The following ABCA12 variants were observed in gnomAD, a reference collection of about 807,000 sequenced individuals.
The protein encoded by ABCA12 is ATP binding cassette subfamily A member 12.
A neutral mutation model predicts 293.5 loss-of-function variants in ABCA12; 156 were observed. The ratio of observed to expected loss-of-function variants is 0.53; its 90% CI spans 0.47 to 0.61. The LOEUF (loss-of-function observed/expected upper bound fraction) is 0.61. Ranked by LOEUF, ABCA12 falls within the 20% of genes least tolerant of loss-of-function variation. The pLI, the probability that ABCA12 is intolerant of heterozygous loss-of-function variation, is 0.00. For missense variants in ABCA12, 2,797 were observed against 3,090.2 expected (o/e 0.91, Z 2.25); for synonymous variants, 1,063 against 1,108.0 (o/e 0.96, Z 0.81).
Position 214,982,231 on chromosome 2 carries a change from C to T in ABCA12, c.4535G>A (p.Cys1512Tyr). ...LDEPSTGVDP[C>Y]SRRSIWDVIS... ...AACATCCCATATACTTCGGCGAGAACATGGGTCAACTCCAGTAGATGGTTC... is the reference window on the plus strand; with the variant it reads ...AACATCCCATATACTTCGGCGAGAATATGGGTCAACTCCAGTAGATGGTTC... The change falls in exon 30 of 53, where the codon TGT becomes TAT. Residue 1512 changes from cysteine to tyrosine, a missense_variant. Physicochemically the swap from Cys to Tyr is radical, Grantham distance 194. Coordinates refer to ENST00000272895, the MANE Select transcript of ABCA12 (RefSeq NM_173076.3). The T allele has an allele frequency of 6.2e-7, 1 of 1,614,020 alleles. No homozygotes were observed. Among genetic ancestry groups the T allele is most frequent in the South Asian group, 1.1e-5 (1 of 91,082 alleles).
intron 45 of ABCA12, among the ~76,000 whole-genome samples, chr2:214,949,579 A>C (rs1236560402): frequency 6.6e-6 from 1 of 152,130 alleles, no homozygotes. Context: ...CGTACTGTCA[A>C]ATTTGATGCG....
intron 30 of ABCA12, among the ~76,000 whole-genome samples, chr2:214,981,233 G>A (rs1352421649): frequency 2.6e-5 from 4 of 151,988 alleles, no homozygotes; most frequent in Non-Finnish European, 5.9e-5. Context: ...TTTGTCATGT[G>A]GGCATTGGCA....
chr2:215,007,805 T>C lies in ABCA12; in HGVS notation c.2514A>G (p.Lys838=). 6.2e-7 allele frequency: 1 copy of C among 1,614,068 alleles called. No homozygotes were observed. Among genetic ancestry groups the C allele is most frequent in the East Asian group, 2.2e-5 (1 of 44,846 alleles). Residue 838 remains lysine, a synonymous_variant, in exon 19 of 53, where the codon AAA becomes AAG. Coordinates refer to ENST00000272895, the MANE Select transcript of ABCA12 (RefSeq NM_173076.3). ...TLRQLAELRE[K]SQEWMDKSPL... is the part of the protein sequence containing the mutation. Reference sequence around the variant, plus strand: ...GCGACTTATCCATCCACTCTTGAGATTTTTCTCTTAATTCCGCCAGCTGTC... The same window carrying C: ...GCGACTTATCCATCCACTCTTGAGACTTTTCTCTTAATTCCGCCAGCTGTC...
intron 46 of ABCA12, 126 bp downstream of exon 46, chr2:214,948,914 T>C (rs1698664926): frequency 1.8e-6 from 2 of 1,139,082 alleles, no homozygotes; most frequent in Admixed American, 3.8e-5. Context: ...CCACCCACCT[T>C]AATAGCTTTG....
intron 2 of ABCA12, among the ~76,000 whole-genome samples, chr2:215,077,853 A>G (rs1701862807): frequency 6.6e-6 from 1 of 152,156 alleles, no homozygotes; most frequent in Non-Finnish European, 1.5e-5. Context: ...CCTTTTATCT[A>G]TTATTAAATT....
chr2:214,983,923 G>A, intron 28 of ABCA12, 58 bp from the exon 29 acceptor site: 2 of 1,457,152 alleles, frequency 1.4e-6, no homozygotes, highest in East Asian at 4.6e-5. Flanking sequence ...TAGATATTAG[G>A]AATAACTATA....
At chr2:215,091,933 C>T (rs1438036141) in intron 2 of ABCA12, among the ~76,000 whole-genome samples, 2 of 152,214 alleles carry the variant, frequency 1.3e-5, no homozygotes, top group Non-Finnish European at 2.9e-5. Context: ...AGCTGTGTCC[C>T]GTCTGTGAGG....
intron 2 of ABCA12, among the ~76,000 whole-genome samples, chr2:215,088,688 C>G (rs1458605428): frequency 6.6e-6 from 1 of 151,998 alleles, no homozygotes; most frequent in Non-Finnish European, 1.5e-5. Flanking sequence ...TCAGCTTAAA[C>G]TAGAATTTTA....
At chr2:215,032,351 C>T (rs1387654365) in intron 8 of ABCA12, 1 of 195,412 alleles carries the variant, frequency 5.1e-6, no homozygotes, top group Non-Finnish European at 1.1e-5. Flanking sequence ...CATCACTAAT[C>T]TATATTTTCT....
chr2:215,002,919 C>G (rs1240790196), intron 20 of ABCA12, among the ~76,000 whole-genome samples: 6 of 152,154 alleles, frequency 3.9e-5, no homozygotes, highest in Non-Finnish European at 5.9e-5. Context: ...CTTCCTAGTT[C>G]AGAAGTTAGA....
At chr2:215,106,506 G>T (rs979795799) in intron 2 of ABCA12, among the ~76,000 whole-genome samples, 17 of 152,162 alleles carry the variant, frequency 1.1e-4, no homozygotes, top group Non-Finnish European at 2.2e-4. Context: ...AAAAATCCAG[G>T]CTCCAGCACA....
At chr2:215,087,828 A>G (rs750543387) in intron 2 of ABCA12, among the ~76,000 whole-genome samples, 1 of 152,224 alleles carries the variant, frequency 6.6e-6, no homozygotes, top group Non-Finnish European at 1.5e-5. Flanking sequence ...AGGAGCCTGA[A>G]GTACCATAAA....
intron 2 of ABCA12, among the ~76,000 whole-genome samples, chr2:215,084,316 A>G (rs1250814360): frequency 1.4e-5 from 2 of 146,882 alleles, no homozygotes; most frequent in Non-Finnish European, 3.0e-5. Flanking sequence ...TCACAGTTTC[A>G]GCTTACAGAC....
rs748933349 is a variant in ABCA12, at chr2:214,953,855, T to C, written c.6646A>G (p.Arg2216Gly). 6.2e-7 allele frequency: 1 copy of C among 1,613,646 alleles called. No homozygotes were observed. Among genetic ancestry groups the C allele is most frequent in the South Asian group, 1.1e-5 (1 of 91,040 alleles). Residue 2216 changes from arginine to glycine, a missense_variant and splice_region_variant, in exon 44 of 53, where the codon AGG becomes GGG. Coordinates refer to ENST00000272895, the MANE Select transcript of ABCA12 (RefSeq NM_173076.3). The part of the protein sequence containing the change: ...LINESLIKKL[R>G]LFFRKFNSSH... ...ACGTTATGTTTTCATTATATTTACC[T>C]GAGTTTCTTTATCAGGGATTCGTTG...
chr2:215,072,851 C>G (rs1701763213), intron 2 of ABCA12, among the ~76,000 whole-genome samples: 2 of 152,224 alleles, frequency 1.3e-5, no homozygotes, highest in Admixed American at 6.5e-5. Flanking sequence ...AATCCCAGCA[C>G]TTTGGGAGAC....
At chr2:215,104,679 G>A (rs995010808) in intron 2 of ABCA12, among the ~76,000 whole-genome samples, 1 of 152,216 alleles carries the variant, frequency 6.6e-6, no homozygotes, top group Non-Finnish European at 1.5e-5. Flanking sequence ...AGGAAGTACA[G>A]GATGGGTCTT....
chr2:215,131,699 A>ATCGT (rs1170990427), intron 1 of ABCA12, among the ~76,000 whole-genome samples: 59 of 38,612 alleles, frequency 1.5e-3, no homozygotes, highest in African/African-American at 5.6e-3. Context: ...GATCCTTTCT[A>ATCGT]TTGTTTTTTT....
intron 22 of ABCA12, chr2:214,999,955 A>G: frequency 3.3e-6 from 1 of 307,498 alleles, no homozygotes; most frequent in Non-Finnish European, 4.8e-6. Context: ...GTTGCGTAGC[A>G]TGTTCAATTC....
At chr2:214,992,538 T>G (rs1445775945) in intron 23 of ABCA12, among the ~76,000 whole-genome samples, 2 of 147,110 alleles carry the variant, frequency 1.4e-5, no homozygotes, top group Non-Finnish European at 3.0e-5. Flanking sequence ...TTTTTTTTTT[T>G]TTTTAGGAAA....
Sources: allele counts gnomAD v4.1 joint callset (sites outside exome capture counted in the v4.1 genomes callset), GRCh38; gene constraint gnomAD v4.1.1; transcripts MANE v1.5; gene names NCBI Gene and HGNC (gene_info 2026-07-23, HGNC 2026-07-21).